ANK2: variants seen among roughly 807,000 people sequenced by gnomAD.
The protein encoded by ANK2 is ankyrin 2, also known as ankyrin-2.
Under a neutral mutation model 360.5 loss-of-function variants are expected in ANK2, and 83 were observed. The ratio of observed to expected loss-of-function variants is 0.23; its 90% CI spans 0.19 to 0.28. The LOEUF is 0.28. Ranked by LOEUF, ANK2 falls within the 10% of genes least tolerant of loss-of-function variation. The pLI is 1.00. For synonymous variants in ANK2, 1,740 were observed against 1,759.5 expected, an observed-to-expected ratio of 0.99 and a Z score of 0.28; for missense variants, 4,201 against 4,795.7, an observed-to-expected ratio of 0.88 and a Z score of 3.66.
chr4:112,999,802 A>G (rs1191091144), intron 2 of ANK2, among the ~76,000 whole-genome samples: 1 of 152,176 alleles, frequency 6.6e-6, no homozygotes. Flanking sequence ...GGCAAGCATC[A>G]TTAGAAAGTT....
chr4:112,768,318 A>C, the ANK2 span, among the ~76,000 whole-genome samples: 3 of 151,984 alleles, frequency 2.0e-5, no homozygotes, highest in East Asian at 5.8e-4. Flanking sequence ...CAGTGGCACT[A>C]TCTTGGCTCA....
intron 2 of ANK2, among the ~76,000 whole-genome samples, chr4:112,951,180 T>C (rs2094960121): frequency 6.6e-6 from 1 of 151,584 alleles, no homozygotes; most frequent in South Asian, 2.1e-4. Context: ...TGTACAGAGA[T>C]ACATTTGGTT....
At chr4:112,950,704 G>A (rs1223712323) in intron 2 of ANK2, among the ~76,000 whole-genome samples, 2 of 151,350 alleles carry the variant, frequency 1.3e-5, no homozygotes, top group Non-Finnish European at 2.9e-5. Context: ...CCTAGCATGA[G>A]TGAAATAACG....
At chr4:112,971,450 A>G (rs2039488411) in intron 2 of ANK2, among the ~76,000 whole-genome samples, 1 of 152,234 alleles carries the variant, frequency 6.6e-6, no homozygotes, top group Non-Finnish European at 1.5e-5. Context: ...TTTCTGAGAA[A>G]TAATACAAAA....
the ANK2 span, chr4:112,788,575 A>G: frequency 1.8e-5 from 29 of 1,586,748 alleles, no homozygotes; most frequent in Non-Finnish European, 2.5e-5. Context: ...TCTGGTCTGT[A>G]CTTGTGGGCC....
At chr4:112,763,103 A>G in the ANK2 span, among the ~76,000 whole-genome samples, 3 of 152,230 alleles carry the variant, frequency 2.0e-5, no homozygotes, top group Non-Finnish European at 4.4e-5. Context: ...CATTTAAGAA[A>G]TAAGAGTGGG....
At chr4:112,722,964 A>G in the ANK2 span, among the ~76,000 whole-genome samples, 11 of 152,082 alleles carry the variant, frequency 7.2e-5, no homozygotes, top group African/African-American at 2.4e-4. Context: ...TGTGTCAAGA[A>G]AAGAAAAAGG....
chr4:113,233,285 C>T (rs1268243341), intron 5 of ANK2, among the ~76,000 whole-genome samples: 3 of 149,904 alleles, frequency 2.0e-5, no homozygotes, highest in African/African-American at 4.9e-5. Flanking sequence ...CAGGCGCCCG[C>T]CACTACGCCC....
chr4:113,364,165 G>A (rs11930964), intron 40 of ANK2, among the ~76,000 whole-genome samples: 2 of 151,952 alleles, frequency 1.3e-5, no homozygotes, highest in Non-Finnish European at 2.9e-5. Context: ...CCGCCATCAC[G>A]CATTGGTTCC....
chr4:113,175,190 G>A (rs984096911), intron 2 of ANK2, among the ~76,000 whole-genome samples: 3 of 152,102 alleles, frequency 2.0e-5, no homozygotes, highest in Admixed American at 6.5e-5. Context: ...GTTTGACAGA[G>A]ACCTAACTAG....
intron 1 of ANK2, among the ~76,000 whole-genome samples, chr4:113,134,870 A>G (rs1415768146): frequency 1.3e-5 from 2 of 152,216 alleles, no homozygotes; most frequent in Admixed American, 6.5e-5. Context: ...CAAAATATGA[A>G]GTCAGATCAA....
At chr4:113,256,639 G>A (rs1157812632) in intron 11 of ANK2, among the ~76,000 whole-genome samples, 1 of 152,126 alleles carries the variant, frequency 6.6e-6, no homozygotes, top group African/African-American at 2.4e-5. Flanking sequence ...ACTAATTTAT[G>A]CCTCTTGTGT....
chr4:112,767,701 G>C, the ANK2 span, among the ~76,000 whole-genome samples: 1 of 152,112 alleles, frequency 6.6e-6, no homozygotes, highest in Non-Finnish European at 1.5e-5. Flanking sequence ...TTATCTCTCT[G>C]AATATATGTT....
At chr4:113,184,761 AG>A (rs1157772584) in intron 2 of ANK2, among the ~76,000 whole-genome samples, 2 of 151,968 alleles carry the variant, frequency 1.3e-5, no homozygotes, top group Non-Finnish European at 2.9e-5. Context: ...CAGAACGTGC[AG>A]GTTTGTTATA....
chr4:112,986,835 C>T (rs922024448), intron 2 of ANK2, among the ~76,000 whole-genome samples: 3 of 152,156 alleles, frequency 2.0e-5, no homozygotes, highest in South Asian at 2.1e-4. Context: ...CAACACTGTG[C>T]GATGTTCCAC....
chr4:113,102,451 A>G lies in ANK2; in HGVS notation c.84+52639A>G, dbSNP rs2093014455. On this transcript the variant is annotated intron_variant, in intron 1 of 45. Coordinates refer to ENST00000357077, the MANE Select transcript of ANK2 (RefSeq NM_001148.6). ...GAGATAGGAACTTTGGATTGAGCAC[A>G]TATATGAGATTTACCACCATGGGAG... Among the ~76,000 whole-genome samples the G allele has an allele frequency of 2.0e-5, 3 of 152,116 alleles. No homozygotes were observed. In the East Asian group the frequency reaches 5.8e-4, roughly 29 times the overall value.
At chr4:113,273,595 A>G (rs2059254169) in intron 14 of ANK2, among the ~76,000 whole-genome samples, 1 of 152,180 alleles carries the variant, frequency 6.6e-6, no homozygotes. Flanking sequence ...TTTTATTATG[A>G]CATGCCCTTG....
intron 2 of ANK2, among the ~76,000 whole-genome samples, chr4:112,978,203 C>T (rs2154269814): frequency 6.6e-6 from 1 of 151,870 alleles, no homozygotes; most frequent in East Asian, 1.9e-4. Context: ...GAGATTGCGC[C>T]ATTGCACTGC....
chr4:113,311,398 A>C lies in ANK2; in HGVS notation c.2692A>C (p.Ser898Arg). 6.2e-7 allele frequency: 1 copy of C among 1,614,130 alleles called. No individual in the cohort carries two copies. Residue 898 changes from serine to arginine, a missense_variant and splice_region_variant, in exon 24 of 46, where the codon AGC (serine) becomes CGC (arginine). Around this residue, in one of 4 missense-constraint regions of ANK2, gnomAD observed 1,268 missense variants for 1,650.8 expected, o/e 0.77. Coordinates refer to ENST00000357077, the MANE Select transcript of ANK2 (RefSeq NM_001148.6). ...CAGCTTGGAGGGAGGACGATCTGAC[A>C]GGTATCTCATAAAACTTATAATTGA... is the stretch of plus-strand genomic sequence containing the variant. ...RYSLEGGRSD[S>R]LRSFSSDRSH... is the part of the protein sequence containing the mutation.
Sources: allele counts gnomAD v4.1 joint callset (sites outside exome capture counted in the v4.1 genomes callset), GRCh38; gene constraint gnomAD v4.1.1; regional missense constraint gnomAD v4.1.1; transcripts MANE v1.5; gene names NCBI Gene and HGNC (gene_info 2026-07-23, HGNC 2026-07-21).